The following EQTN variants were observed in gnomAD, a reference collection of about 807,000 sequenced individuals.
EQTN encodes Acrosome formation associated factor.
A neutral mutation model predicts 26.9 loss-of-function variants in EQTN; 29 were observed. That is an observed-to-expected ratio of 1.08 (90% CI 0.80 to 1.47). The LOEUF (loss-of-function observed/expected upper bound fraction) is 1.47. Ranked by LOEUF, EQTN falls within the 40% of genes most tolerant of loss-of-function variation. EQTN has a pLI of 0.00. For missense variants in EQTN, 391 were observed against 346.1 expected (o/e 1.13, Z -1.03); for synonymous variants, 129 against 120.0 (o/e 1.07, Z -0.49).
At chr9:27,292,289 A>C in intron 4 of EQTN, 112 bp downstream of exon 4, 1 of 570,906 alleles carries the variant, frequency 1.8e-6, no homozygotes, top group East Asian at 3.0e-5. Context: ...TAGCAGTATA[A>C]ATTCTTTAAG....
intron 2 of EQTN, among the ~76,000 whole-genome samples, chr9:27,295,895 T>C (rs1468148652): frequency 6.6e-6 from 1 of 151,392 alleles, no homozygotes; most frequent in East Asian, 1.9e-4. Flanking sequence ...AAACAATATT[T>C]TGGACTGGAT....
At chr9:27,285,545 C>T (rs1466597612) in intron 7 of EQTN, among the ~76,000 whole-genome samples, 1 of 152,008 alleles carries the variant, frequency 6.6e-6, no homozygotes, top group Non-Finnish European at 1.5e-5. Flanking sequence ...TAGAAGTTGC[C>T]TTAATAAAAT....
chr9:27,286,735 T>C (rs770313201), intron 6 of EQTN, among the ~76,000 whole-genome samples: 1 of 152,208 alleles, frequency 6.6e-6, no homozygotes, highest in South Asian at 2.1e-4. Flanking sequence ...TCTGAAGAGA[T>C]TATTATTCAA....
At chr9:27,295,810 C>CG (rs1820325948) in intron 2 of EQTN, among the ~76,000 whole-genome samples, 1 of 111,312 alleles carries the variant, frequency 9.0e-6, no homozygotes, top group Admixed American at 1.4e-4. Flanking sequence ...CCAGCCTGGG[C>CG]GACAGCGCGA....
Position 27,286,350 on chromosome 9 carries a change from T to C in EQTN, c.494A>G (p.Asn165Ser), listed in dbSNP as rs758510695. 111 of 1,594,388 alleles carry C rather than the reference T, an allele frequency of 7.0e-5. No homozygotes were observed. Among genetic ancestry groups the C allele is most frequent in the Non-Finnish European group, 9.4e-5 (110 of 1,169,426 alleles). Residue 165 changes from asparagine (N) to serine (S), a missense_variant, in exon 7 of 8, where the codon AAT becomes AGT. Asn to Ser is a conservative substitution (Grantham distance 46). Coordinates refer to ENST00000380032, the MANE Select transcript of EQTN (RefSeq NM_020641.3). ...LFHPIPESDV[N>S]ATQGENQPDL... ...TGGCTGATTTTCTCCCTGTGTAGCA[T>C]TCACATCAGACTCTGAAAAGAAAGA...
chr9:27,293,593 G>A (rs1367451276), intron 3 of EQTN, among the ~76,000 whole-genome samples: 2 of 152,136 alleles, frequency 1.3e-5, no homozygotes, highest in East Asian at 3.9e-4. Flanking sequence ...GGGTTTCGCA[G>A]TCTCTTCCTT....
At chr9:27,294,706 G>C (rs1820303097) in intron 2 of EQTN, among the ~76,000 whole-genome samples, 1 of 152,106 alleles carries the variant, frequency 6.6e-6, no homozygotes, top group South Asian at 2.1e-4. Context: ...TTGTAGATGT[G>C]CAACATTATC....
chr9:27,286,181 T>C, intron 7 of EQTN, 28 bp downstream of exon 7: 1 of 1,607,628 alleles, frequency 6.2e-7, no homozygotes, highest in East Asian at 2.2e-5. Flanking sequence ...GCATTTGTTG[T>C]AAAGACTGCA....
Position 27,296,743 on chromosome 9 carries a change from A to G in EQTN, c.77-5T>C. On this transcript the variant is annotated splice_region_variant and splice_polypyrimidine_tract_variant and intron_variant, in intron 1 of 7. Coordinates refer to ENST00000380032, the MANE Select transcript of EQTN (RefSeq NM_020641.3). ...AAGGTAGCACATTAGGCAATGCTAA[A>G]AAAAAGTATCACACACCATAGATCA... 1 of 1,601,566 alleles carries G rather than the reference A, an allele frequency of 6.2e-7. No homozygotes were observed. Among genetic ancestry groups the G allele is most frequent in the South Asian group, 1.1e-5 (1 of 87,816 alleles).
intron 7 of EQTN, among the ~76,000 whole-genome samples, chr9:27,285,230 G>A (rs181530883): frequency 8.1e-6 from 1 of 123,034 alleles, no homozygotes; most frequent in Admixed American, 1.1e-4. Flanking sequence ...TGCAACCTCC[G>A]CCTCCCAGGG....
chr9:27,296,706 C>A lies in EQTN; in HGVS notation c.109G>T (p.Val37Phe). The A allele has an allele frequency of 6.2e-7, 1 of 1,609,954 alleles. No homozygotes were observed. The highest frequency in any genetic ancestry group is 1.7e-4 in the Middle Eastern group (1 of 6,016). ...TCATTCTTTTCTTCCTGCTTATTAA[C>A]ATCTTCATTTAAAGGTAGCACATTA... ...LPNVLPLNED[V>F]NKQEEKNEDH... The change falls in exon 2 of 8, where the codon GTT becomes TTT. Residue 37 changes from valine (V) to phenylalanine (F), a missense_variant. By Grantham distance (50) the Val-to-Phe change is conservative. Coordinates refer to ENST00000380032, the MANE Select transcript of EQTN (RefSeq NM_020641.3).
intron 6 of EQTN, 23 bp from the exon 7 acceptor site, chr9:27,286,385 G>A (rs769354580): frequency 5.1e-6 from 8 of 1,565,246 alleles, no homozygotes; most frequent in Non-Finnish European, 6.9e-6. Flanking sequence ...AGAATGCAGT[G>A]GAAAATAGGG....
chr9:27,296,779 G>A, intron 1 of EQTN, 41 bp from the exon 2 acceptor site: 2 of 1,583,122 alleles, frequency 1.3e-6, no homozygotes, highest in African/African-American at 2.7e-5. Context: ...GAAATATGTT[G>A]ATTTCTTTTA....
At chr9:27,289,800 T>C (rs1223571459) in intron 5 of EQTN, 69 bp from the exon 6 acceptor site, 10 of 1,256,270 alleles carry the variant, frequency 8.0e-6, no homozygotes, top group Admixed American at 1.9e-5. Context: ...TGTATGTATG[T>C]GTATGTATAA....
chr9:27,293,982 T>C lies in EQTN; in HGVS notation c.289+334A>G, dbSNP rs140129909. On this transcript the variant is annotated intron_variant, in intron 3 of 7. Coordinates refer to ENST00000380032, the MANE Select transcript of EQTN (RefSeq NM_020641.3). ...CGTGGGTTTAAGAAAGATGTAAATT[T>C]TCCTAGAATCCTAAATGTAGTTATC... Among the ~76,000 whole-genome samples the C allele has an allele frequency of 1.9e-3, 286 of 152,366 alleles. 2 individuals are homozygous for C. The highest frequency in any genetic ancestry group is 4.9e-3 in the Admixed American group (75 of 15,306).
intron 4 of EQTN, among the ~76,000 whole-genome samples, chr9:27,291,715 A>C (rs1450742286): frequency 6.6e-6 from 1 of 152,228 alleles, no homozygotes; most frequent in Non-Finnish European, 1.5e-5. Flanking sequence ...AACACATCAA[A>C]AAAGATTTTT....
chr9:27,290,160 A>T (rs1820202741), intron 5 of EQTN, among the ~76,000 whole-genome samples: 1 of 152,220 alleles, frequency 6.6e-6, no homozygotes, highest in South Asian at 2.1e-4. Flanking sequence ...AATAACCAGC[A>T]ATTTAACACT....
intron 7 of EQTN, 114 bp downstream of exon 7, chr9:27,286,095 T>C (rs1489013065): frequency 9.7e-7 from 1 of 1,031,048 alleles, no homozygotes; most frequent in African/African-American, 1.6e-5. Flanking sequence ...TCAATTTGAA[T>C]GTCGTATGGA....
rs1231414057 is a variant in EQTN, at chr9:27,284,663, C to T, written c.*60G>A. ...GACATAAAGAAAGGTCTTTTGATGA[C>T]AAAATAATTAAAGTTATTTATTCAT... On this transcript the variant is annotated 3_prime_UTR_variant, in exon 8 of 8. Coordinates refer to ENST00000380032, the MANE Select transcript of EQTN (RefSeq NM_020641.3). 9 of 1,538,524 alleles carry T rather than the reference C, an allele frequency of 5.8e-6. No individual in the cohort carries two copies. The East Asian group carries it at 6.8e-5, about 12-fold the overall frequency.
Sources: gnomAD v4.1 joint callset for allele counts (sites outside exome capture counted in the v4.1 genomes callset) on GRCh38, gnomAD v4.1.1 for gene constraint, MANE v1.5 for transcripts, NCBI Gene and HGNC (gene_info 2026-07-23, HGNC 2026-07-21) for gene names.